Variants in RALY observed in about 807,000 individuals in gnomAD.
RALY encodes RALY heterogeneous nuclear ribonucleoprotein.
A neutral mutation model predicts 30.7 loss-of-function variants in RALY; 15 were observed. That is an observed-to-expected ratio of 0.49 (90% CI 0.33 to 0.75). The LOEUF is 0.75. Among genes scored for constraint, RALY ranks in the 30% least tolerant of loss-of-function variants. The pLI is 0.02. For missense variants in RALY, 339 were observed against 414.3 expected (o/e 0.82, Z 1.58); for synonymous variants, 177 against 170.8 (o/e 1.04, Z -0.28).
intron 1 of RALY, among the ~76,000 whole-genome samples, chr20:34,007,820 C>CAAAAAAA (rs10649045): frequency 3.0e-5 from 3 of 101,586 alleles, no homozygotes; most frequent in African/African-American, 1.1e-4. Flanking sequence ...AACTCCGTCT[C>CAAAAAAA]AAAAAAAAAA....
intron 2 of RALY, among the ~76,000 whole-genome samples, chr20:34,051,748 A>G (rs2033086317): frequency 1.3e-5 from 2 of 152,024 alleles, no homozygotes; most frequent in South Asian, 4.1e-4. Context: ...GGCGCCTGCC[A>G]CCACACCTGG....
At chr20:34,028,705 C>CAAAAAAAAA (rs71338492) in intron 1 of RALY, among the ~76,000 whole-genome samples, 2 of 20,448 alleles carry the variant, frequency 9.8e-5, no homozygotes, top group African/African-American at 1.2e-4. Flanking sequence ...GACTCCATCT[C>CAAAAAAAAA]AAAAAAAAAA....
chr20:34,003,634 G>GTTTTTTT (rs775178178), intron 1 of RALY, among the ~76,000 whole-genome samples: 8 of 112,960 alleles, frequency 7.1e-5, no homozygotes, highest in African/African-American at 2.0e-4. Flanking sequence ...ATGCCAAACA[G>GTTTTTTT]TTTTTTTTTT....
At chr20:34,067,615 C>T (rs997966236) in intron 2 of RALY, among the ~76,000 whole-genome samples, 3 of 152,158 alleles carry the variant, frequency 2.0e-5, no homozygotes, top group African/African-American at 7.2e-5. Flanking sequence ...TGCCACATTT[C>T]TTCTACTCTT....
At chr20:34,012,245 A>G (rs1333930888) in intron 1 of RALY, among the ~76,000 whole-genome samples, 1 of 151,988 alleles carries the variant, frequency 6.6e-6, no homozygotes, top group Non-Finnish European at 1.5e-5. Flanking sequence ...GTGCAGCCCT[A>G]TCATCATGAG....
At chr20:34,019,722 C>T (rs1320556174) in intron 1 of RALY, among the ~76,000 whole-genome samples, 2 of 152,126 alleles carry the variant, frequency 1.3e-5, no homozygotes, top group African/African-American at 4.8e-5. Context: ...TGAGGGACAA[C>T]CATACACATA....
chr20:34,048,853 C>CA lies in RALY; in HGVS notation c.-10+17267dup, dbSNP rs58117454. 8.8e-3 allele frequency among the ~76,000 whole-genome samples: 933 copies of CA among 105,606 alleles called. 16 individuals are homozygous for CA. Among genetic ancestry groups the CA allele is most frequent in the African/African-American group, 0.029 (794 of 27,588 alleles). The allele number at this position is 105,606 out of a possible 152,430, so 69.3% of individuals were successfully genotyped here. A position where few individuals can be genotyped will look rare whatever the true frequency, so the allele number is the denominator to read the frequency against. On this transcript the variant is annotated intron_variant, in intron 2 of 9. Coordinates refer to ENST00000246194, the MANE Select transcript of RALY (RefSeq NM_016732.3). ...CCTGGGAGACAGCGAGACTCCGTCT[C>CA]AAAAAAAAAAAAAAAAAATTTTCTC...
At chr20:34,064,632 C>T (rs972229840) in intron 2 of RALY, among the ~76,000 whole-genome samples, 1 of 152,152 alleles carries the variant, frequency 6.6e-6, no homozygotes, top group Non-Finnish European at 1.5e-5. Flanking sequence ...CTCCCTACCC[C>T]CAACTCCCTT....
At chr20:34,046,906 A>G (rs1359563797) in intron 2 of RALY, among the ~76,000 whole-genome samples, 4 of 138,654 alleles carry the variant, frequency 2.9e-5, no homozygotes, top group Non-Finnish European at 6.0e-5. Context: ...TGCAGCCTCC[A>G]CCTCTTGGGT....
chr20:34,015,529 A>G (rs1053149889), intron 1 of RALY, among the ~76,000 whole-genome samples: 1 of 152,108 alleles, frequency 6.6e-6, no homozygotes, highest in African/African-American at 2.4e-5. Context: ...TGTGAAGCTG[A>G]GAAGTAATTG....
intron 2 of RALY, among the ~76,000 whole-genome samples, chr20:34,037,256 T>A (rs1220799470): frequency 6.6e-6 from 1 of 152,186 alleles, no homozygotes; most frequent in Non-Finnish European, 1.5e-5. Flanking sequence ...GCAGCCTGGC[T>A]CCTGCCTGCC....
intron 1 of RALY, among the ~76,000 whole-genome samples, chr20:34,031,053 C>T (rs1274169456): frequency 3.3e-5 from 2 of 59,772 alleles, no homozygotes; most frequent in Non-Finnish European, 6.0e-5. Context: ...CTTCCTCCCC[C>T]CCTTTTTTTG....
chr20:34,020,463 G>A (rs1259308469), intron 1 of RALY, among the ~76,000 whole-genome samples: 1 of 152,196 alleles, frequency 6.6e-6, no homozygotes, highest in Admixed American at 6.5e-5. Flanking sequence ...AAAGGATGTG[G>A]TAGAGGATGA....
Position 34,064,368 on chromosome 20 carries a change from T to A in RALY, c.-9-7698T>A, listed in dbSNP as rs189720968. Among the ~76,000 whole-genome samples, 12 of 152,296 alleles carry A rather than the reference T, an allele frequency of 7.9e-5. No homozygotes were observed. The East Asian group carries it at 2.3e-3, about 29-fold the overall frequency. ...TATGGGGAGATAACTGAGGCCTGCC[T>A]TCTGTTTCTGCTTTGGGGTATCCTC... On this transcript the variant is annotated intron_variant, in intron 2 of 9. Transcript: ENST00000246194.
At chr20:34,024,921 TG>T in intron 1 of RALY, among the ~76,000 whole-genome samples, 1 of 152,284 alleles carries the variant, frequency 6.6e-6, no homozygotes, top group East Asian at 1.9e-4. Flanking sequence ...TAGTAAAGGC[TG>T]GGATAAGCAA....
intron 1 of RALY, among the ~76,000 whole-genome samples, chr20:33,996,799 T>C (rs2030653899): frequency 6.6e-6 from 1 of 152,114 alleles, no homozygotes; most frequent in South Asian, 2.1e-4. Context: ...CCCTCCTCCC[T>C]CCAGCCCCTG....
At chr20:34,028,564 C>T (rs1314237952) in intron 1 of RALY, among the ~76,000 whole-genome samples, 2 of 151,672 alleles carry the variant, frequency 1.3e-5, no homozygotes, top group South Asian at 2.1e-4. Flanking sequence ...ATTAGCCAGG[C>T]GTGGTGGCAG....
chr20:34,061,387 A>G (rs926772106), intron 2 of RALY, among the ~76,000 whole-genome samples: 32 of 152,258 alleles, frequency 2.1e-4, no homozygotes, highest in Non-Finnish European at 4.4e-4. Context: ...TCTAAAAACA[A>G]TCAGGCTGAA....
rs1241581710 is a variant in RALY at position 34,082,974 on chromosome 20, T to G, written c.*3069T>G. On this transcript the variant is annotated 3_prime_UTR_variant, in exon 10 of 10. Coordinates refer to ENST00000246194, the MANE Select transcript of RALY (RefSeq NM_016732.3). ...CCAGTGGGTATACTGGATTGTGAGC[T>G]AAGAGGCCTGGGACTTTCCCCCTGT... 6.6e-6 allele frequency: 1 copy of G among 152,224 alleles called. No individual in the cohort carries two copies. Among genetic ancestry groups the G allele is most frequent in the Non-Finnish European group, 1.5e-5 (1 of 68,048 alleles). 9.4% of individuals were successfully genotyped at this position (152,224 alleles called of 1,614,324 possible).
Sources: allele counts gnomAD v4.1 joint callset (sites outside exome capture counted in the v4.1 genomes callset), GRCh38; gene constraint gnomAD v4.1.1; transcripts MANE v1.5; gene names NCBI Gene and HGNC (gene_info 2026-07-23, HGNC 2026-07-21).